CTNNA3: variants seen among roughly 807,000 people sequenced by gnomAD.
The protein encoded by CTNNA3 is catenin alpha 3.
Under a neutral mutation model 95.7 loss-of-function variants are expected in CTNNA3, and 76 were observed. The observed-to-expected ratio is 0.79, with a 90% CI of 0.66 to 0.96. CTNNA3 has a LOEUF of 0.96. Among genes scored for constraint, CTNNA3 ranks in the 40% least tolerant of loss-of-function variants. The pLI, the probability that CTNNA3 is intolerant of heterozygous loss-of-function variation, is 0.00. For missense variants in CTNNA3, 1,191 were observed against 1,089.8 expected (o/e 1.09, Z -1.31); for synonymous variants, 431 against 374.4 (o/e 1.15, Z -1.74).
At chr10:66,466,623 C>T (rs1180419592) in intron 11 of CTNNA3, among the ~76,000 whole-genome samples, 1 of 151,480 alleles carries the variant, frequency 6.6e-6, no homozygotes, top group African/African-American at 2.4e-5. Flanking sequence ...GTGGAATTTC[C>T]TTCCCCAGCA....
intron 7 of CTNNA3, among the ~76,000 whole-genome samples, chr10:67,109,564 G>A (rs918846910): frequency 6.6e-6 from 1 of 152,190 alleles, no homozygotes; most frequent in African/African-American, 2.4e-5. Context: ...GAAAATGAAG[G>A]CCAGGCGTGG....
chr10:66,697,573 C>G (rs1847810862), intron 9 of CTNNA3, among the ~76,000 whole-genome samples: 1 of 151,926 alleles, frequency 6.6e-6, no homozygotes, highest in South Asian at 2.1e-4. Context: ...GGACAAATGG[C>G]AAAAAATAGT....
At chr10:66,633,071 C>A (rs1253216432) in intron 9 of CTNNA3, among the ~76,000 whole-genome samples, 1 of 152,096 alleles carries the variant, frequency 6.6e-6, no homozygotes, top group East Asian at 1.9e-4. Context: ...GGGGATACAA[C>A]TGGAAGGTAA....
At chr10:66,065,400 A>G (rs1183009223) in intron 15 of CTNNA3, among the ~76,000 whole-genome samples, 1 of 152,036 alleles carries the variant, frequency 6.6e-6, no homozygotes, top group Non-Finnish European at 1.5e-5. Context: ...AAATCTTGTC[A>G]TGATCATTAG....
intron 10 of CTNNA3, among the ~76,000 whole-genome samples, chr10:66,530,627 T>C (rs1452991613): frequency 6.6e-6 from 1 of 151,854 alleles, no homozygotes; most frequent in African/African-American, 2.4e-5. Flanking sequence ...CATTTCAGAG[T>C]AGGGGAGGGT....
intron 3 of CTNNA3, among the ~76,000 whole-genome samples, chr10:67,597,876 G>A (rs1239880587): frequency 4.6e-5 from 7 of 152,188 alleles, no homozygotes; most frequent in African/African-American, 1.7e-4. Flanking sequence ...GCTGTGAGAG[G>A]GTGCACACTG....
intron 7 of CTNNA3, among the ~76,000 whole-genome samples, chr10:67,054,005 T>C (rs1287056222): frequency 6.6e-6 from 1 of 152,156 alleles, no homozygotes; most frequent in African/African-American, 2.4e-5. Flanking sequence ...CTACACGATA[T>C]CTCTAAAAGA....
Position 65,914,416 on chromosome 10 carries a change from T to C in CTNNA3, c.*5914A>G, listed in dbSNP as rs181725315. ...AGATTTGAAAGCCTATCCAGCAACA[T>C]GGGCAAGAAGAGTCTAGCCTTCAGT... On this transcript the variant is annotated 3_prime_UTR_variant, in exon 18 of 18. Coordinates refer to ENST00000433211, the MANE Select transcript of CTNNA3 (RefSeq NM_013266.4). The C allele has an allele frequency of 2.0e-5, 3 of 152,242 alleles. No homozygotes were observed. The East Asian group carries it at 5.8e-4, about 29-fold the overall frequency. 9.4% of individuals were successfully genotyped at this position (152,242 alleles called of 1,614,324 possible).
intron 10 of CTNNA3, among the ~76,000 whole-genome samples, chr10:66,596,328 G>A (rs753165558): frequency 2.4e-4 from 36 of 152,116 alleles, no homozygotes; most frequent in South Asian, 8.3e-4. Context: ...CAACTAAAAT[G>A]GTTAGAGCCC....
At chr10:66,394,054 T>C (rs141295520) in intron 11 of CTNNA3, among the ~76,000 whole-genome samples, 1 of 152,134 alleles carries the variant, frequency 6.6e-6, no homozygotes, top group Non-Finnish European at 1.5e-5. Context: ...GTACAAAAGA[T>C]TGTTTATGCT....
Position 67,231,212 on chromosome 10 carries a change from T to G in CTNNA3, c.580-11342A>C, listed in dbSNP as rs149940981. Among the ~76,000 whole-genome samples, 1,965 of 152,320 alleles carry G rather than the reference T, an allele frequency of 0.013. 124 individuals carry two copies. In the East Asian group the frequency reaches 0.19, roughly 15 times the overall value. On this transcript the variant is annotated intron_variant, in intron 5 of 17. Transcript: ENST00000433211. ...CCTGCCTGCCTCTGTAGGCTCCACCTCTGGGGGCAGCGCACAGACAAACAG... is the reference window on the plus strand; with the variant it reads ...CCTGCCTGCCTCTGTAGGCTCCACCGCTGGGGGCAGCGCACAGACAAACAG...
At chr10:66,307,072 G>T (rs1398043828) in intron 12 of CTNNA3, among the ~76,000 whole-genome samples, 1 of 152,128 alleles carries the variant, frequency 6.6e-6, no homozygotes, top group Non-Finnish European at 1.5e-5. Context: ...CTCTGAATTA[G>T]ATACTGTTAA....
chr10:65,960,004 C>T (rs2077810065), intron 17 of CTNNA3, among the ~76,000 whole-genome samples: 1 of 152,094 alleles, frequency 6.6e-6, no homozygotes, highest in Admixed American at 6.6e-5. Flanking sequence ...AGCTTATTTT[C>T]TCTTCTAAGC....
At chr10:65,929,024 C>G (rs1377559112) in intron 17 of CTNNA3, among the ~76,000 whole-genome samples, 2 of 133,038 alleles carry the variant, frequency 1.5e-5, no homozygotes, top group East Asian at 5.3e-4. Context: ...TATCCCTCCC[C>G]CCTCCCCTCA....
chr10:66,382,706 G>T (rs1443843193), intron 11 of CTNNA3, among the ~76,000 whole-genome samples: 1 of 152,088 alleles, frequency 6.6e-6, no homozygotes, highest in Non-Finnish European at 1.5e-5. Context: ...CCTCATATAG[G>T]CGGCTGCCCC....
chr10:67,610,514 C>T (rs1843422382), intron 2 of CTNNA3, among the ~76,000 whole-genome samples: 2 of 152,186 alleles, frequency 1.3e-5, no homozygotes, highest in South Asian at 4.2e-4. Flanking sequence ...AAAAAGAAAG[C>T]TGAAACTATT....
intron 7 of CTNNA3, among the ~76,000 whole-genome samples, chr10:67,095,116 A>C: frequency 6.6e-6 from 1 of 151,422 alleles, no homozygotes; most frequent in African/African-American, 2.4e-5. Flanking sequence ...AACTCTCTTA[A>C]ATTTTCAAAA....
At chr10:66,054,305 T>G (rs1485053087) in intron 15 of CTNNA3, among the ~76,000 whole-genome samples, 1 of 152,180 alleles carries the variant, frequency 6.6e-6, no homozygotes, top group Non-Finnish European at 1.5e-5. Context: ...ACCTCTATAC[T>G]GTTCTCCACA....
intron 10 of CTNNA3, among the ~76,000 whole-genome samples, chr10:66,576,325 T>C (rs867447864): frequency 5.2e-4 from 79 of 152,080 alleles, no homozygotes; most frequent in African/African-American, 1.6e-3. Context: ...TTATTATTAC[T>C]ATTGGTTTCT....
Sources: allele counts gnomAD v4.1 joint callset (sites outside exome capture counted in the v4.1 genomes callset), GRCh38; gene constraint gnomAD v4.1.1; transcripts MANE v1.5; gene names NCBI Gene and HGNC (gene_info 2026-07-23, HGNC 2026-07-21).